The following CDH23 variants were observed in gnomAD, a reference collection of about 807,000 sequenced individuals.
The protein encoded by CDH23 is cadherin-23.
CDH23 carries 189 observed loss-of-function variants against 317.1 expected under a neutral mutation model. The ratio of observed to expected loss-of-function variants is 0.60; its 90% CI spans 0.53 to 0.67. The LOEUF (loss-of-function observed/expected upper bound fraction) is 0.67. Among genes scored for constraint, CDH23 ranks in the 30% least tolerant of loss-of-function variants. CDH23 has a pLI of 0.00. For missense variants in CDH23, 4,401 were observed against 4,592.4 expected (o/e 0.96, Z 1.20); for synonymous variants, 1,839 against 1,876.8 (o/e 0.98, Z 0.52).
intron 45 of CDH23, among the ~76,000 whole-genome samples, 153 bp from the exon 46 acceptor site, chr10:71,790,135 C>T (rs1349572437): frequency 6.6e-6 from 1 of 152,206 alleles, no homozygotes; most frequent in African/African-American, 2.4e-5. Flanking sequence ...CCAAGGCTGC[C>T]GCAGGCCCGC....
At chr10:71,425,231 G>GA (rs1564571401) in intron 1 of CDH23, among the ~76,000 whole-genome samples, 746 of 36,384 alleles carry the variant, frequency 0.021, 74 homozygotes, top group African/African-American at 0.042. Flanking sequence ...GAGAGAGAGA[G>GA]GGAGAGAGAG....
intron 14 of CDH23, among the ~76,000 whole-genome samples, chr10:71,649,319 A>G (rs1863051767): frequency 6.6e-6 from 1 of 152,224 alleles, no homozygotes; most frequent in Non-Finnish European, 1.5e-5. Flanking sequence ...CTGGGATGTT[A>G]TTAAAATGTT....
At chr10:71,398,477 T>TGTGTGTGTGTGTGTG (rs1554820408) in intron 1 of CDH23, among the ~76,000 whole-genome samples, 2 of 54,294 alleles carry the variant, frequency 3.7e-5, no homozygotes, top group African/African-American at 6.1e-5. Flanking sequence ...GTGTGTGTGT[T>TGTGTGTGTGTGTGTG]GGGTGGAGTC....
chr10:71,772,114 C>G (rs1840699583), intron 38 of CDH23, among the ~76,000 whole-genome samples: 1 of 152,200 alleles, frequency 6.6e-6, no homozygotes, highest in Admixed American at 6.5e-5. Context: ...CTCTGACTGT[C>G]ACCTTGAGAA....
At chr10:71,463,681 G>A (rs1370337634) in intron 3 of CDH23, among the ~76,000 whole-genome samples, 2 of 152,200 alleles carry the variant, frequency 1.3e-5, no homozygotes, top group Non-Finnish European at 2.9e-5. Flanking sequence ...AAGCATCAGT[G>A]GGTGTGAAGT....
intron 3 of CDH23, among the ~76,000 whole-genome samples, chr10:71,474,215 G>T (rs1851667601): frequency 6.6e-6 from 1 of 152,172 alleles, no homozygotes; most frequent in Non-Finnish European, 1.5e-5. Flanking sequence ...TTCACCTCCA[G>T]GGAGCCCTCA....
chr10:71,453,945 T>G (rs1374984242), intron 3 of CDH23, among the ~76,000 whole-genome samples: 1 of 152,124 alleles, frequency 6.6e-6, no homozygotes, highest in African/African-American at 2.4e-5. Flanking sequence ...AAAAAAAATA[T>G]AGGGGGTGTT....
rs1841933746 is a variant in CDH23, at chr10:71,811,696, T to C, written c.9279-17T>C. The C allele has an allele frequency of 1.9e-6, 3 of 1,610,436 alleles. No individual in the cohort carries two copies. The highest frequency in any genetic ancestry group is 2.2e-5 in the East Asian group (1 of 44,732). On this transcript the variant is annotated splice_polypyrimidine_tract_variant and intron_variant, in intron 64 of 69. Coordinates refer to ENST00000224721, the MANE Select transcript of CDH23 (RefSeq NM_022124.6). ...CAGCTTGGCCCCCCTCACCAGCCCC[T>C]CTCTGCTTCTCTCCAGACACAAGAG...
chr10:71,652,859 T>A (rs1863243063), intron 14 of CDH23, among the ~76,000 whole-genome samples: 1 of 152,208 alleles, frequency 6.6e-6, no homozygotes, highest in South Asian at 2.1e-4. Flanking sequence ...CCCAGTGAGA[T>A]GACTGGGCCA....
At chr10:71,600,374 G>A (rs547122809) in intron 9 of CDH23, among the ~76,000 whole-genome samples, 1 of 152,156 alleles carries the variant, frequency 6.6e-6, no homozygotes, top group African/African-American at 2.4e-5. Context: ...GGGCTCTGTG[G>A]TCAAATAAGT....
chr10:71,690,742 G>A (rs1405281451), intron 20 of CDH23, among the ~76,000 whole-genome samples, 158 bp downstream of exon 20: 1 of 152,226 alleles, frequency 6.6e-6, no homozygotes, highest in African/African-American at 2.4e-5. Flanking sequence ...ATTAATTTGA[G>A]TGTGATTACT....
At chr10:71,565,016 A>AG (rs1376843166) in intron 6 of CDH23, among the ~76,000 whole-genome samples, 1 of 152,250 alleles carries the variant, frequency 6.6e-6, no homozygotes, top group Non-Finnish European at 1.5e-5. Context: ...ACTTTCACAC[A>AG]GGGGGCTGGC....
intron 1 of CDH23, among the ~76,000 whole-genome samples, chr10:71,414,192 G>T (rs902776600): frequency 1.3e-5 from 2 of 151,670 alleles, no homozygotes; most frequent in African/African-American, 4.8e-5. Context: ...TTGTCTAATT[G>T]CTCTGGCTAC....
Position 71,713,360 on chromosome 10 carries a change from C to T in CDH23, c.3369+547C>T, listed in dbSNP as rs1216753126. On this transcript the variant is annotated intron_variant, in intron 28 of 69. Coordinates refer to ENST00000224721, the MANE Select transcript of CDH23 (RefSeq NM_022124.6). ...CACCCACACCTCTGCCCAGAGGCCTCAGTTGCTGGGTGGGGAGGGAGGCCC... is the reference window on the plus strand; with the variant it reads ...CACCCACACCTCTGCCCAGAGGCCTTAGTTGCTGGGTGGGGAGGGAGGCCC... 4.0e-6 allele frequency: 3 copies of T among 753,460 alleles called. No individual in the cohort carries two copies. In the South Asian group the frequency reaches 4.2e-5, roughly 11 times the overall value. 46.7% of individuals were successfully genotyped at this position (753,460 alleles called of 1,614,324 possible). A position where few individuals can be genotyped will look rare whatever the true frequency, so the allele number is the denominator to read the frequency against.
chr10:71,790,228 G>A (rs1485025894), intron 45 of CDH23, 60 bp from the exon 46 acceptor site: 8 of 1,597,970 alleles, frequency 5.0e-6, no homozygotes, highest in Non-Finnish European at 6.8e-6. Context: ...ACAGGGCAGG[G>A]GAGGTGGGAG....
At chr10:71,628,645 C>T (rs1454520164) in intron 11 of CDH23, among the ~76,000 whole-genome samples, 1 of 152,100 alleles carries the variant, frequency 6.6e-6, no homozygotes, top group African/African-American at 2.4e-5. Context: ...TTACAGGCAC[C>T]TATTACCACA....
chr10:71,691,095 A>G (rs919484774), intron 20 of CDH23, among the ~76,000 whole-genome samples: 1 of 152,028 alleles, frequency 6.6e-6, no homozygotes, highest in Non-Finnish European at 1.5e-5. Context: ...AATTACCATC[A>G]TTATTCTCTT....
rs140183318 is a variant in CDH23 at position 71,626,214 on chromosome 10, G to A, written c.1134+8821G>A. Reference sequence around the variant, plus strand: ...AAAATAAAAATTCTTCTGAGAAGGGGGTGCCTGGGCTTCACCAGACTCTCA... The same window carrying A: ...AAAATAAAAATTCTTCTGAGAAGGGAGTGCCTGGGCTTCACCAGACTCTCA... On this transcript the variant is annotated intron_variant, in intron 11 of 69. Transcript: ENST00000224721. Among the ~76,000 whole-genome samples, 9 of 152,238 alleles carry A rather than the reference G, an allele frequency of 5.9e-5. No individual in the cohort carries two copies. In the East Asian group the frequency reaches 1.5e-3, roughly 26 times the overall value.
chr10:71,612,404 G>A (rs912072120), intron 9 of CDH23, among the ~76,000 whole-genome samples: 1 of 152,016 alleles, frequency 6.6e-6, no homozygotes, highest in African/African-American at 2.4e-5. Flanking sequence ...GTACGTGAAC[G>A]GGGCATAGGA....
Sources: allele counts gnomAD v4.1 joint callset (sites outside exome capture counted in the v4.1 genomes callset), GRCh38; gene constraint gnomAD v4.1.1; transcripts MANE v1.5; gene names NCBI Gene and HGNC (gene_info 2026-07-23, HGNC 2026-07-21).